The following GNG7 variants were observed in gnomAD, a reference collection of about 807,000 sequenced individuals.
GNG7 encodes the protein guanine nucleotide-binding protein G(I)/G(S)/G(O) subunit gamma-7.
In GNG7, 1 loss-of-function variant was observed where a neutral mutation model predicts 4.0. The observed-to-expected ratio is 0.25, with a 90% CI of 0.09 to 1.18. The LOEUF is 1.18. Among genes scored for constraint, GNG7 ranks in the 50% most tolerant of loss-of-function variants. The pLI is 0.50. For synonymous variants in GNG7, 34 were observed against 36.9 expected (o/e 0.92, Z 0.29); for missense variants, 86 against 91.9 (o/e 0.94, Z 0.26).
intron 4 of GNG7, among the ~76,000 whole-genome samples, chr19:2,516,303 A>C (rs1972734161): frequency 6.6e-6 from 1 of 152,086 alleles, no homozygotes; most frequent in Admixed American, 6.6e-5. Flanking sequence ...TGATCACTGC[A>C]ATCTCTTGCT....
At position 2,671,907 on chromosome 19, in the gene GNG7, C is replaced by T. The variant is rs563930829; in HGVS notation, c.-134-25627G>A. 5.9e-3 allele frequency among the ~76,000 whole-genome samples: 899 copies of T among 151,768 alleles called. 3 individuals are homozygous for T. Among genetic ancestry groups the T allele is most frequent in the Middle Eastern group, 0.021 (6 of 292 alleles). ...TCTACTAAAAATACAAAAAATTAGC[C>T]GGGCGTGGCAGTGGGCACCTGTAGT... On this transcript the variant is annotated intron_variant, in intron 1 of 4. Transcript: ENST00000382159.
At chr19:2,542,695 C>T (rs1979002564) in intron 3 of GNG7, among the ~76,000 whole-genome samples, 1 of 152,072 alleles carries the variant, frequency 6.6e-6, no homozygotes, top group South Asian at 2.1e-4. Flanking sequence ...GTTTCTTATG[C>T]AGTGTAAGGA....
chr19:2,549,440 G>A lies in GNG7; in HGVS notation c.-38+5709C>T, dbSNP rs113436925. 5.3e-3 allele frequency among the ~76,000 whole-genome samples: 810 copies of A among 152,008 alleles called. 5 individuals carry two copies. Among genetic ancestry groups the A allele is most frequent in the Middle Eastern group, 0.014 (4 of 294 alleles). On this transcript the variant is annotated intron_variant, in intron 3 of 4. Transcript: ENST00000382159. Reference sequence around the variant, plus strand: ...TGAGTAGCTGAGATTACAGGCGCCCGCCACCGCACCCGGCTAATTTTTGTA... The same window carrying A: ...TGAGTAGCTGAGATTACAGGCGCCCACCACCGCACCCGGCTAATTTTTGTA...
chr19:2,667,997 C>A (rs1983353098), intron 1 of GNG7, among the ~76,000 whole-genome samples: 1 of 152,026 alleles, frequency 6.6e-6, no homozygotes, highest in Non-Finnish European at 1.5e-5. Flanking sequence ...CTGGATGGGG[C>A]CCTGGGGCAG....
At chr19:2,535,166 T>G (rs1978696380) in intron 3 of GNG7, among the ~76,000 whole-genome samples, 2 of 152,084 alleles carry the variant, frequency 1.3e-5, no homozygotes, top group Admixed American at 6.6e-5. Flanking sequence ...TTGAGTTGTA[T>G]GCCTACTGGA....
intron 2 of GNG7, among the ~76,000 whole-genome samples, chr19:2,579,008 A>G (rs1405341316): frequency 6.6e-6 from 1 of 151,586 alleles, no homozygotes; most frequent in Non-Finnish European, 1.5e-5. Context: ...GCGAGAGGCC[A>G]GGAAATGGCT....
intron 1 of GNG7, among the ~76,000 whole-genome samples, chr19:2,671,414 G>A (rs1386823134): frequency 3.3e-5 from 5 of 152,102 alleles, no homozygotes; most frequent in Admixed American, 6.5e-5. Flanking sequence ...AAGTGCTGAC[G>A]AACGAGGTGA....
intron 1 of GNG7, among the ~76,000 whole-genome samples, chr19:2,677,878 C>G (rs755129653): frequency 6.6e-6 from 1 of 152,210 alleles, no homozygotes; most frequent in Non-Finnish European, 1.5e-5. Context: ...CAGGATGGCC[C>G]CACCTCAGAG....
intron 2 of GNG7, among the ~76,000 whole-genome samples, chr19:2,638,196 C>G (rs994029879): frequency 6.6e-6 from 1 of 151,328 alleles, no homozygotes; most frequent in African/African-American, 2.4e-5. Flanking sequence ...AACCCTGTCT[C>G]TACTAAATAT....
intron 2 of GNG7, among the ~76,000 whole-genome samples, chr19:2,599,362 G>A (rs1981130935): frequency 6.6e-6 from 1 of 152,084 alleles, no homozygotes; most frequent in Non-Finnish European, 1.5e-5. Flanking sequence ...GCCGAGGCTG[G>A]ATGAATCCAA....
chr19:2,662,146 G>T (rs911745010), intron 1 of GNG7, among the ~76,000 whole-genome samples: 24 of 151,736 alleles, frequency 1.6e-4, no homozygotes, highest in African/African-American at 5.3e-4. Flanking sequence ...TGTAATCTCA[G>T]CTACTCAGGA....
Position 2,557,288 on chromosome 19 carries a change from C to T in GNG7, c.-77-2100G>A, listed in dbSNP as rs1979589813. On this transcript the variant is annotated intron_variant, in intron 2 of 4. Transcript: ENST00000382159. The surrounding 1 kb of genome is among the most constrained non-coding windows in gnomAD (Gnocchi z 5.1). ...ACATTTGCACACACAGACACGTGCACACACAGAGGTGCACATACACGCACA... is the reference window on the plus strand; with the variant it reads ...ACATTTGCACACACAGACACGTGCATACACAGAGGTGCACATACACGCACA... Among the ~76,000 whole-genome samples, 1 of 151,462 alleles carries T rather than the reference C, an allele frequency of 6.6e-6. No homozygotes were observed. Among genetic ancestry groups the T allele is most frequent in the South Asian group, 2.1e-4 (1 of 4,810 alleles).
chr19:2,596,749 C>T (rs1467020954), intron 2 of GNG7, among the ~76,000 whole-genome samples: 1 of 151,984 alleles, frequency 6.6e-6, no homozygotes, highest in Non-Finnish European at 1.5e-5. Flanking sequence ...TTCCCATCCA[C>T]CCCACACTGT....
At chr19:2,659,262 C>A (rs1983080003) in intron 1 of GNG7, among the ~76,000 whole-genome samples, 1 of 150,830 alleles carries the variant, frequency 6.6e-6, no homozygotes, top group South Asian at 2.1e-4. Context: ...AGCCACTGCG[C>A]CTGGCCTTGA....
intron 2 of GNG7, among the ~76,000 whole-genome samples, chr19:2,587,959 C>A (rs1487452207): frequency 6.6e-6 from 1 of 151,958 alleles, no homozygotes; most frequent in Non-Finnish European, 1.5e-5. Context: ...AAAGAAAGAA[C>A]AGGAACAAGA....
At position 2,557,361 on chromosome 19, in the gene GNG7, A is replaced by G. The variant is rs886359243; in HGVS notation, c.-77-2173T>C. ...CACACATGTGCACACACACAGACAC[A>G]CACACACGTGCACGCACACATGCAC... On this transcript the variant is annotated intron_variant, in intron 2 of 4. Coordinates refer to ENST00000382159, the MANE Select transcript of GNG7 (RefSeq NM_052847.3). The surrounding 1 kb of genome is among the most constrained non-coding windows in gnomAD (Gnocchi z 5.1). 6.6e-6 allele frequency among the ~76,000 whole-genome samples: 1 copy of G among 151,736 alleles called. No individual in the cohort carries two copies. The highest frequency in any genetic ancestry group is 1.5e-5 in the Non-Finnish European group (1 of 67,888).
chr19:2,642,871 C>G (rs961926061), intron 2 of GNG7: 4 of 456,612 alleles, frequency 8.8e-6, no homozygotes, highest in African/African-American at 2.0e-5. Context: ...AGTCTGAGCC[C>G]TCTCCGGGCT....
At chr19:2,601,484 T>A in intron 2 of GNG7, among the ~76,000 whole-genome samples, 1 of 152,094 alleles carries the variant, frequency 6.6e-6, no homozygotes, top group East Asian at 1.9e-4. Context: ...TACAATGAGC[T>A]CCCCAGGAAC....
At chr19:2,638,934 T>G (rs2144852030) in intron 2 of GNG7, among the ~76,000 whole-genome samples, 1 of 152,228 alleles carries the variant, frequency 6.6e-6, no homozygotes, top group Admixed American at 6.5e-5. Flanking sequence ...GATGCTCATG[T>G]ATAACAAACA....
Sources: gnomAD v4.1 joint callset for allele counts (sites outside exome capture counted in the v4.1 genomes callset) on GRCh38, gnomAD v4.1.1 for gene constraint, Gnocchi (gnomAD v3.1) non-coding constraint, MANE v1.5 for transcripts, NCBI Gene and HGNC (gene_info 2026-07-23, HGNC 2026-07-21) for gene names.